DLG2: variants seen among roughly 807,000 people sequenced by gnomAD.
The protein encoded by DLG2 is discs large MAGUK scaffold protein 2.
DLG2 carries 45 observed loss-of-function variants against 132.5 expected under a neutral mutation model. That is an observed-to-expected ratio of 0.34 (90% CI 0.27 to 0.44). DLG2 has a LOEUF of 0.44. Among genes scored for constraint, DLG2 ranks in the 20% least tolerant of loss-of-function variants. The probability of loss-of-function intolerance (pLI) is 1.00; values close to 1 mark genes in which losing one functional copy is unlikely to be tolerated. For synonymous variants in DLG2, 424 were observed against 419.6 expected (o/e 1.01, Z -0.13); for missense variants, 1,045 against 1,196.9 (o/e 0.87, Z 1.87).
At chr11:84,328,292 G>A (rs1243476981) in intron 7 of DLG2, among the ~76,000 whole-genome samples, 1 of 149,202 alleles carries the variant, frequency 6.7e-6, no homozygotes, top group African/African-American at 2.4e-5. Context: ...AAGGAAGCTA[G>A]AAGGAAGGAA....
intron 6 of DLG2, among the ~76,000 whole-genome samples, chr11:84,576,189 T>A (rs1024171892): frequency 1.3e-5 from 2 of 152,224 alleles, no homozygotes; most frequent in Non-Finnish European, 2.9e-5. Flanking sequence ...AATTCACTTT[T>A]TCAATATGGT....
intron 6 of DLG2, among the ~76,000 whole-genome samples, chr11:84,744,198 A>G (rs2153827257): frequency 1.3e-5 from 2 of 152,332 alleles, no homozygotes; most frequent in African/African-American, 4.8e-5. Flanking sequence ...TAGCCCAGGG[A>G]TCTTCAATGA....
chr11:84,526,968 C>T lies in DLG2; in HGVS notation c.519+7602G>A, dbSNP rs955854248. On this transcript the variant is annotated intron_variant, in intron 7 of 27. Transcript: ENST00000376104. ...TAATTTTTTGTATTTTTAGTAGAGA[C>T]GGGGTTTCACCGTTTTAGCCGGGAT... 1.4e-4 allele frequency among the ~76,000 whole-genome samples: 22 copies of T among 152,012 alleles called. No individual in the cohort carries two copies. The South Asian group carries it at 4.2e-3, about 29-fold the overall frequency.
chr11:83,714,732 T>A (rs1413048431), intron 18 of DLG2, among the ~76,000 whole-genome samples: 12 of 152,222 alleles, frequency 7.9e-5, no homozygotes, highest in Admixed American at 1.3e-4. Flanking sequence ...ATTTGTTTTA[T>A]TATTATTATA....
chr11:83,485,199 C>T (rs1323441245), intron 21 of DLG2, among the ~76,000 whole-genome samples: 1 of 152,020 alleles, frequency 6.6e-6, no homozygotes, highest in Non-Finnish European at 1.5e-5. Context: ...TTAAAAATAA[C>T]ACATAGATAC....
intron 6 of DLG2, among the ~76,000 whole-genome samples, chr11:85,036,176 C>G (rs1216516210): frequency 6.6e-6 from 1 of 152,198 alleles, no homozygotes; most frequent in African/African-American, 2.4e-5. Context: ...CAAGAATACT[C>G]TCTTACCTTC....
chr11:83,599,324 C>G (rs1318983696), intron 19 of DLG2, among the ~76,000 whole-genome samples: 1 of 152,140 alleles, frequency 6.6e-6, no homozygotes, highest in African/African-American at 2.4e-5. Flanking sequence ...CATGCTGAAC[C>G]AGGTCTTGCA....
chr11:83,744,970 C>T (rs1011390006), intron 18 of DLG2, among the ~76,000 whole-genome samples: 1 of 152,110 alleles, frequency 6.6e-6, no homozygotes, highest in Non-Finnish European at 1.5e-5. Context: ...CAGTTTAATC[C>T]AGCGTGGCTC....
At chr11:84,991,523 A>AAAAAAAG (rs1555331856) in intron 6 of DLG2, among the ~76,000 whole-genome samples, 34 of 116,212 alleles carry the variant, frequency 2.9e-4, no homozygotes, top group African/African-American at 3.6e-4. Context: ...AAAAAAAAAA[A>AAAAAAAG]AAAGAAAGAA....
At chr11:84,414,511 C>T (rs909097951) in intron 7 of DLG2, among the ~76,000 whole-genome samples, 1 of 152,126 alleles carries the variant, frequency 6.6e-6, no homozygotes, top group Admixed American at 6.6e-5. Context: ...TAGTAAATTC[C>T]ATTCCGGTTT....
At chr11:84,502,342 CTTT>C (rs2099218852) in intron 7 of DLG2, among the ~76,000 whole-genome samples, 5 of 37,834 alleles carry the variant, frequency 1.3e-4, no homozygotes, top group South Asian at 8.5e-4. Context: ...TTCTTTCTTT[CTTT>C]CTTTCTTTCT....
chr11:83,875,149 TTGA>T (rs2064442744), intron 15 of DLG2, among the ~76,000 whole-genome samples: 2 of 152,260 alleles, frequency 1.3e-5, no homozygotes, highest in South Asian at 4.1e-4. Flanking sequence ...ATTGAGCTAT[TTGA>T]TGAACACAAA....
intron 3 of DLG2, among the ~76,000 whole-genome samples, chr11:85,362,288 T>C (rs1460734362): frequency 6.6e-6 from 1 of 152,184 alleles, no homozygotes; most frequent in Non-Finnish European, 1.5e-5. Flanking sequence ...TAGTTCTACT[T>C]ATAGAGATCT....
intron 6 of DLG2, among the ~76,000 whole-genome samples, chr11:85,029,507 C>T (rs2060831416): frequency 6.6e-6 from 1 of 152,068 alleles, no homozygotes; most frequent in Admixed American, 6.6e-5. Flanking sequence ...AATAAAGTTG[C>T]CTAAATATAT....
At chr11:84,388,576 T>C (rs577733838) in intron 7 of DLG2, among the ~76,000 whole-genome samples, 133 of 152,170 alleles carry the variant, frequency 8.7e-4, no homozygotes, top group Non-Finnish European at 1.6e-3. Flanking sequence ...TTAAACATTT[T>C]AGATTACAAT....
intron 6 of DLG2, among the ~76,000 whole-genome samples, chr11:85,064,690 A>AT (rs1272467217): frequency 6.6e-6 from 1 of 151,628 alleles, no homozygotes; most frequent in African/African-American, 2.4e-5. Context: ...CTTTGAAGGT[A>AT]TTTTTTACAT....
chr11:83,483,225 G>T, intron 22 of DLG2: 1 of 1,602,774 alleles, frequency 6.2e-7, no homozygotes, highest in East Asian at 2.2e-5. Flanking sequence ...GAAAAGAAAA[G>T]TTACAGTGAC....
intron 18 of DLG2, among the ~76,000 whole-genome samples, chr11:83,707,651 A>G (rs932852398): frequency 1.3e-5 from 2 of 152,224 alleles, no homozygotes; most frequent in African/African-American, 2.4e-5. Context: ...AGCCTGGACA[A>G]CAGAGTGAGA....
chr11:84,843,509 C>G (rs1313209809), intron 6 of DLG2, among the ~76,000 whole-genome samples: 1 of 151,790 alleles, frequency 6.6e-6, no homozygotes, highest in Non-Finnish European at 1.5e-5. Context: ...CATCATTATT[C>G]CTTTGTATAA....
Sources: gnomAD v4.1 joint callset for allele counts (sites outside exome capture counted in the v4.1 genomes callset) on GRCh38, gnomAD v4.1.1 for gene constraint, MANE v1.5 for transcripts, NCBI Gene and HGNC (gene_info 2026-07-23, HGNC 2026-07-21) for gene names.